Variants in TOX2 observed in about 807,000 individuals in gnomAD.
TOX2 encodes TOX high mobility group box family member 2.
Under a neutral mutation model 47.4 loss-of-function variants are expected in TOX2, and 15 were observed. The ratio of observed to expected loss-of-function variants is 0.32; its 90% confidence interval spans 0.21 to 0.49. TOX2 has a LOEUF of 0.49. Among genes scored for constraint, TOX2 ranks in the 20% least tolerant of loss-of-function variants. The probability of loss-of-function intolerance (pLI) is 0.99; values close to 1 mark genes in which losing one functional copy is unlikely to be tolerated. For synonymous variants in TOX2, 290 were observed against 296.6 expected, an observed-to-expected ratio of 0.98 and a Z score of 0.23; for missense variants, 622 against 673.1, an observed-to-expected ratio of 0.92 and a Z score of 0.84.
intron 5 of TOX2, among the ~76,000 whole-genome samples, chr20:44,059,626 C>T (rs1252808187): frequency 6.6e-6 from 1 of 152,008 alleles, no homozygotes; most frequent in South Asian, 2.1e-4. Context: ...CTATTTTTAG[C>T]CTCCTTAAAC....
intron 2 of TOX2, among the ~76,000 whole-genome samples, chr20:43,990,242 G>A (rs1002819682): frequency 2.1e-4 from 32 of 152,218 alleles, no homozygotes; most frequent in African/African-American, 7.2e-4. Flanking sequence ...CTATAGAAAA[G>A]CAGGTCAGAA....
chr20:43,941,709 C>G (rs1460586579), intron 1 of TOX2, among the ~76,000 whole-genome samples: 1 of 152,156 alleles, frequency 6.6e-6, no homozygotes, highest in Non-Finnish European at 1.5e-5. Context: ...AAGGAGGTTT[C>G]CTGACTCGCT....
At chr20:44,044,422 TAAAA>T (rs3037502) in intron 3 of TOX2, among the ~76,000 whole-genome samples, 1 of 143,470 alleles carries the variant, frequency 7.0e-6, no homozygotes, top group Non-Finnish European at 1.5e-5. Context: ...ACTTAAAGCA[TAAAA>T]AAAAAAAAAA....
At chr20:43,946,295 ATCATTCAT>A (rs111479360) in intron 1 of TOX2, among the ~76,000 whole-genome samples, 1 of 151,890 alleles carries the variant, frequency 6.6e-6, no homozygotes, top group Non-Finnish European at 1.5e-5. Flanking sequence ...GCTGCTCAGG[ATCATTCAT>A]TCATTCATTC....
intron 3 of TOX2, among the ~76,000 whole-genome samples, chr20:44,034,522 C>T (rs566977858): frequency 2.0e-5 from 3 of 152,284 alleles, no homozygotes; most frequent in Admixed American, 6.5e-5. Context: ...GAAATGGCCA[C>T]AGAAAGAGTT....
At chr20:44,060,128 C>T (rs2071691431) in intron 5 of TOX2, among the ~76,000 whole-genome samples, 1 of 152,126 alleles carries the variant, frequency 6.6e-6, no homozygotes, top group Non-Finnish European at 1.5e-5. Flanking sequence ...ACCAAACAAA[C>T]TTTAAAGCAA....
intron 5 of TOX2, among the ~76,000 whole-genome samples, chr20:44,061,092 C>T (rs187433599): frequency 2.2e-4 from 34 of 152,156 alleles, no homozygotes; most frequent in Non-Finnish European, 4.0e-4. Context: ...CACAGAAATA[C>T]AAAAGATCAT....
At chr20:44,067,108 C>T (rs2071837515) in intron 8 of TOX2, among the ~76,000 whole-genome samples, 1 of 152,222 alleles carries the variant, frequency 6.6e-6, no homozygotes. Context: ...TTCCTTGCTC[C>T]TGTTTTTTTC....
At chr20:44,014,725 A>G (rs575294570) in intron 3 of TOX2, among the ~76,000 whole-genome samples, 2 of 152,148 alleles carry the variant, frequency 1.3e-5, no homozygotes, top group Non-Finnish European at 2.9e-5. Flanking sequence ...TGGTAAATGT[A>G]AGCTGCTCTG....
rs565612030 is a variant in TOX2 at position 44,011,719 on chromosome 20, T to C, written c.411+4927T>C. Among the ~76,000 whole-genome samples, 5 of 152,338 alleles carry C rather than the reference T, an allele frequency of 3.3e-5. No individual in the cohort carries two copies. In the South Asian group the frequency reaches 1.0e-3, roughly 32 times the overall value. The stretch of plus-strand genomic sequence containing the variant: ...CAGGCGTTGTCTGCACAGATCGAGA[T>C]ACACTGAGGATGTCATCCCTGGAGA... On this transcript the variant is annotated intron_variant, in intron 3 of 8. Transcript: ENST00000341197.
At chr20:44,000,394 G>C (rs1025681657) in intron 2 of TOX2, among the ~76,000 whole-genome samples, 2 of 152,118 alleles carry the variant, frequency 1.3e-5, no homozygotes, top group Non-Finnish European at 2.9e-5. Context: ...GGAAGAGAGG[G>C]GTCAAGGGTG....
chr20:44,023,200 G>A (rs1467496604), intron 3 of TOX2, among the ~76,000 whole-genome samples: 3 of 151,940 alleles, frequency 2.0e-5, no homozygotes, highest in East Asian at 3.9e-4. Context: ...AGGCCGAGGC[G>A]AGCAGATCAC....
chr20:44,039,685 G>C (rs1280845114), intron 3 of TOX2, among the ~76,000 whole-genome samples: 1 of 152,226 alleles, frequency 6.6e-6, no homozygotes, highest in Non-Finnish European at 1.5e-5. Context: ...GGGTCCTGCT[G>C]TGGACCCTCT....
chr20:43,970,234 CTCTA>C (rs2069940975), intron 1 of TOX2, among the ~76,000 whole-genome samples: 1 of 152,232 alleles, frequency 6.6e-6, no homozygotes, highest in African/African-American at 2.4e-5. Flanking sequence ...CTTATCCTCT[CTCTA>C]TCTGTTTGCT....
At position 43,914,950 on chromosome 20, in the gene TOX2, C is replaced by G; in HGVS notation, c.59C>G (p.Pro20Arg). 8.0e-7 allele frequency: 1 copy of G among 1,252,430 alleles called. No individual in the cohort carries two copies. Among genetic ancestry groups the G allele is most frequent in the Non-Finnish European group, 1.0e-6 (1 of 997,302 alleles). 77.6% of individuals were successfully genotyped at this position (1,252,430 alleles called of 1,614,324 possible). A position where few individuals can be genotyped will look rare whatever the true frequency, so the allele number is the denominator to read the frequency against. ...GTGGGCGCGCGGCCCGGGGCCGAGC[C>G]GGCCGGCCTGGCGCACCTGGACTAT... Reference protein sequence around the residue: ...PAVGARPGAEPAGLAHLDYYH... With the variant: ...PAVGARPGAERAGLAHLDYYH... Residue 20 changes from proline to arginine, a missense_variant, in exon 1 of 9, where the codon CCG (proline) becomes CGG (arginine). Physicochemically the swap from Pro to Arg is moderately radical, Grantham distance 103 (BLOSUM62 -2). Around this residue, in one of 3 missense-constraint regions of TOX2, gnomAD observed 307 missense variants for 327.3 expected, o/e 0.94. Coordinates refer to ENST00000341197, the MANE Select transcript of TOX2 (RefSeq NM_001098797.2). The surrounding 1 kb of genome is among the most constrained non-coding windows in gnomAD (Gnocchi z 4.5).
chr20:44,055,702 G>C (rs950113656), intron 5 of TOX2, among the ~76,000 whole-genome samples: 13 of 152,240 alleles, frequency 8.5e-5, no homozygotes, highest in South Asian at 6.2e-4. Context: ...TGATCCAGGT[G>C]GGGGAAGGTA....
chr20:44,016,840 C>T (rs187272394), intron 3 of TOX2, among the ~76,000 whole-genome samples: 114 of 152,188 alleles, frequency 7.5e-4, no homozygotes, highest in African/African-American at 2.6e-3. Context: ...ATGTGAGATG[C>T]GTGCCTCAAC....
chr20:44,059,320 AC>A (rs939582099), intron 5 of TOX2, among the ~76,000 whole-genome samples: 1 of 152,196 alleles, frequency 6.6e-6, no homozygotes, highest in Non-Finnish European at 1.5e-5. Flanking sequence ...TTCAACAGAG[AC>A]AAAAAATTTT....
chr20:44,042,615 A>C (rs1057247267), intron 3 of TOX2, among the ~76,000 whole-genome samples: 5 of 152,258 alleles, frequency 3.3e-5, no homozygotes, highest in Non-Finnish European at 5.9e-5. Flanking sequence ...AAATGTTCCA[A>C]AGGACCTAGC....
Sources: allele counts gnomAD v4.1 joint callset (sites outside exome capture counted in the v4.1 genomes callset), GRCh38; gene constraint gnomAD v4.1.1; regional missense constraint gnomAD v4.1.1; non-coding constraint Gnocchi (gnomAD v3.1); transcripts MANE v1.5; gene names NCBI Gene and HGNC (gene_info 2026-07-23, HGNC 2026-07-21).